Variants in SDCCAG8 observed in about 807,000 individuals in gnomAD.
The protein encoded by SDCCAG8 is serologically defined colon cancer antigen 8.
In SDCCAG8, 74 loss-of-function variants were observed where a neutral mutation model predicts 101.8. That is an observed-to-expected ratio of 0.73 (90% CI 0.60 to 0.88). The LOEUF (loss-of-function observed/expected upper bound fraction) is 0.88. Ranked by LOEUF, SDCCAG8 falls within the 40% of genes least tolerant of loss-of-function variation. The pLI, the probability that SDCCAG8 is intolerant of heterozygous loss-of-function variation, is 0.00. For missense variants in SDCCAG8, 787 were observed against 822.6 expected, an observed-to-expected ratio of 0.96 and a Z score of 0.53; for synonymous variants, 281 against 292.9, an observed-to-expected ratio of 0.96 and a Z score of 0.41.
chr1:243,364,953 G>A (rs1047731417), intron 12 of SDCCAG8, among the ~76,000 whole-genome samples: 1 of 152,146 alleles, frequency 6.6e-6, no homozygotes, highest in East Asian at 1.9e-4. Flanking sequence ...AAACGAAAAA[G>A]TTCTTGCTGA....
At chr1:243,374,229 A>T (rs1367535129) in intron 12 of SDCCAG8, among the ~76,000 whole-genome samples, 4 of 152,124 alleles carry the variant, frequency 2.6e-5, no homozygotes, top group Admixed American at 2.6e-4. Context: ...TGAGATAATC[A>T]ATCCAACAAC....
chr1:243,294,690 C>G, intron 6 of SDCCAG8, among the ~76,000 whole-genome samples: 1 of 57,396 alleles, frequency 1.7e-5, no homozygotes, highest in Non-Finnish European at 3.3e-5. Context: ...CTGTGACTTT[C>G]TAAATTCCCC....
At chr1:243,397,468 A>G (rs1485397672) in intron 13 of SDCCAG8, among the ~76,000 whole-genome samples, 1 of 152,212 alleles carries the variant, frequency 6.6e-6, no homozygotes, top group African/African-American at 2.4e-5. Context: ...GGAAAAGAAA[A>G]AAATTTAAAG....
chr1:243,320,337 G>A (rs766626545), intron 9 of SDCCAG8, among the ~76,000 whole-genome samples: 15 of 152,086 alleles, frequency 9.9e-5, no homozygotes, highest in Non-Finnish European at 1.5e-4. Context: ...AGCCAGAAGC[G>A]ATCTTTCTTA....
intron 4 of SDCCAG8, among the ~76,000 whole-genome samples, chr1:243,276,333 G>A (rs371907528): frequency 1.3e-5 from 2 of 152,166 alleles, no homozygotes; most frequent in East Asian, 3.9e-4. Context: ...AATAATGAAA[G>A]TAATCCTGAA....
Position 243,386,710 on chromosome 1 carries a change from G to C in SDCCAG8, c.1616+7847G>C, listed in dbSNP as rs552965912. 3.3e-5 allele frequency among the ~76,000 whole-genome samples: 5 copies of C among 152,046 alleles called. No homozygotes were observed. The South Asian group carries it at 1.0e-3, about 32-fold the overall frequency. ...GGAGGTTACAGTGAGCCGAGATTGC[G>C]CCACTGCACTCCAGCCTGGGTGACA... On this transcript the variant is annotated intron_variant, in intron 13 of 17. Transcript: ENST00000366541.
Position 243,384,783 on chromosome 1 carries a change from A to G in SDCCAG8, c.1616+5920A>G, listed in dbSNP as rs542483790. On this transcript the variant is annotated intron_variant, in intron 13 of 17. Transcript: ENST00000366541. ...CATAGCATGACCGCATCTCTGGGGG[A>G]AAAAAAAATGACAGTATTTGAAACA... Among the ~76,000 whole-genome samples the G allele has an allele frequency of 1.1e-4, 16 of 147,892 alleles. No homozygotes were observed. In the South Asian group the frequency reaches 3.2e-3, roughly 29 times the overall value.
At chr1:243,310,901 AC>A (rs1036188831) in intron 8 of SDCCAG8, among the ~76,000 whole-genome samples, 8 of 152,306 alleles carry the variant, frequency 5.3e-5, no homozygotes, top group Non-Finnish European at 1.0e-4. Flanking sequence ...TTAAAGAACA[AC>A]CCGTCAGACT....
intron 16 of SDCCAG8, among the ~76,000 whole-genome samples, chr1:243,431,003 C>T (rs113081936): frequency 0.018 from 2,696 of 151,644 alleles, 35 homozygotes; most frequent in African/African-American, 0.035. Flanking sequence ...TCGAGACCAG[C>T]CTGGCCAACA....
At chr1:243,379,104 TTCTC>T (rs2077778038) in intron 13 of SDCCAG8, among the ~76,000 whole-genome samples, 1 of 152,212 alleles carries the variant, frequency 6.6e-6, no homozygotes, top group Non-Finnish European at 1.5e-5. Flanking sequence ...ATTTAGGTGA[TTCTC>T]TATCAATATA....
At chr1:243,409,731 A>G (rs2147997495) in intron 13 of SDCCAG8, among the ~76,000 whole-genome samples, 1 of 152,320 alleles carries the variant, frequency 6.6e-6, no homozygotes, top group South Asian at 2.1e-4. Context: ...AATAATCATA[A>G]TGGATTATAA....
intron 13 of SDCCAG8, among the ~76,000 whole-genome samples, chr1:243,413,245 A>T (rs1558432773): frequency 1.3e-5 from 2 of 152,064 alleles, no homozygotes; most frequent in Admixed American, 1.3e-4. Flanking sequence ...TCACTCTATC[A>T]CTCAGGCTGG....
At chr1:243,310,854 T>C (rs1283398803) in intron 8 of SDCCAG8, among the ~76,000 whole-genome samples, 1 of 152,210 alleles carries the variant, frequency 6.6e-6, no homozygotes, top group Non-Finnish European at 1.5e-5. Context: ...GAAAATGTAT[T>C]TATTCTATTA....
chr1:243,455,347 G>A (rs1376962520), intron 16 of SDCCAG8, among the ~76,000 whole-genome samples: 7 of 152,162 alleles, frequency 4.6e-5, no homozygotes, highest in Non-Finnish European at 8.8e-5. Context: ...TCAGCTCACT[G>A]CAACCTCCAT....
chr1:243,324,219 C>T (rs2073975211), intron 9 of SDCCAG8, among the ~76,000 whole-genome samples: 1 of 152,062 alleles, frequency 6.6e-6, no homozygotes, highest in South Asian at 2.1e-4. Flanking sequence ...TCCCATCTAC[C>T]ACTCCTTTTC....
intron 7 of SDCCAG8, 56 bp downstream of exon 7, chr1:243,304,833 T>C (rs996479713): frequency 2.7e-5 from 27 of 1,018,700 alleles, no homozygotes; most frequent in African/African-American, 1.4e-4. Flanking sequence ...TCTTAAAATA[T>C]ATTTGAATGT....
chr1:243,379,287 G>C (rs747751578), intron 13 of SDCCAG8, among the ~76,000 whole-genome samples: 19 of 152,138 alleles, frequency 1.2e-4, no homozygotes, highest in Non-Finnish European at 2.6e-4. Context: ...AATTGAAATG[G>C]AACTGATACA....
chr1:243,497,798 C>A (rs1400833454), intron 17 of SDCCAG8, among the ~76,000 whole-genome samples: 1 of 152,170 alleles, frequency 6.6e-6, no homozygotes, highest in Admixed American at 6.5e-5. Flanking sequence ...CCTACATCAG[C>A]CTTTTGAGTC....
intron 1 of SDCCAG8, among the ~76,000 whole-genome samples, chr1:243,259,409 A>G (rs1010045250): frequency 5.9e-5 from 9 of 152,076 alleles, no homozygotes; most frequent in African/African-American, 2.2e-4. Flanking sequence ...TCTGTCTCAA[A>G]AAACAACAAA....
Sources: allele counts gnomAD v4.1 joint callset (sites outside exome capture counted in the v4.1 genomes callset), GRCh38; gene constraint gnomAD v4.1.1; transcripts MANE v1.5; gene names NCBI Gene and HGNC (gene_info 2026-07-23, HGNC 2026-07-21).